The following PCP4 variants were observed in gnomAD, a reference collection of about 807,000 sequenced individuals.
PCP4 encodes the protein Purkinje cell protein 4, also known as calmodulin regulator protein PCP4.
Under a neutral mutation model 10.0 loss-of-function variants are expected in PCP4, and 8 were observed. The observed-to-expected ratio is 0.80, with a 90% CI of 0.47 to 1.45. PCP4 has a LOEUF of 1.45. Among genes scored for constraint, PCP4 ranks in the 40% most tolerant of loss-of-function variants. PCP4 has a pLI of 0.00. For synonymous variants in PCP4, 21 were observed against 23.0 expected (o/e 0.91, Z 0.24); for missense variants, 54 against 74.4 (o/e 0.73, Z 1.01).
In PCP4 at chr21:39,906,908, T is replaced by C. The variant is rs1337068475; in HGVS notation, c.61+8381T>C. Among the ~76,000 whole-genome samples the C allele has an allele frequency of 6.6e-6, 1 of 152,190 alleles. No individual in the cohort carries two copies. Among genetic ancestry groups the C allele is most frequent in the Non-Finnish European group, 1.5e-5 (1 of 68,038 alleles). The stretch of plus-strand genomic sequence containing the variant: ...TTCAGGTTCTGCTTGTCAATTACTT[T>C]TATGGAAATAGTATTTCTCACGCGC... On this transcript the variant is annotated intron_variant, in intron 2 of 2. Coordinates refer to ENST00000328619, the MANE Select transcript of PCP4 (RefSeq NM_006198.3). This position sits in a 1 kb window ranked among gnomAD's most constrained non-coding sequence, Gnocchi z 6.3.
At chr21:39,873,774 G>A (rs1332563626) in intron 1 of PCP4, among the ~76,000 whole-genome samples, 2 of 152,184 alleles carry the variant, frequency 1.3e-5, no homozygotes, top group Non-Finnish European at 2.9e-5. Context: ...GCTTGCCACA[G>A]TCATCAATGG....
At position 39,927,339 on chromosome 21, in the gene PCP4, G is replaced by GTCTATCTA. The variant is rs1240545991; in HGVS notation, c.62-1622_62-1615dup. Among the ~76,000 whole-genome samples, 215 of 98,908 alleles carry GTCTATCTA rather than the reference G, an allele frequency of 2.2e-3. 3 individuals carry two copies. Among genetic ancestry groups the GTCTATCTA allele is most frequent in the African/African-American group, 6.1e-3 (170 of 27,658 alleles). 64.9% of individuals were successfully genotyped at this position (98,908 alleles called of 152,430 possible). A position where few individuals can be genotyped will look rare whatever the true frequency, so the allele number is the denominator to read the frequency against. ...CTATCTATCATCTATCTATCTATCT[G>GTCTATCTA]TCTATCTATCTATCTATCTATCTAT... On this transcript the variant is annotated intron_variant, in intron 2 of 2. Transcript: ENST00000328619.
chr21:39,881,539 A>T (rs1278277585), intron 1 of PCP4, among the ~76,000 whole-genome samples: 1 of 152,196 alleles, frequency 6.6e-6, no homozygotes, highest in Non-Finnish European at 1.5e-5. Context: ...CAGATGCATG[A>T]AACGTACATC....
intron 1 of PCP4, among the ~76,000 whole-genome samples, chr21:39,889,701 C>A (rs1056387350): frequency 2.3e-4 from 35 of 152,130 alleles, no homozygotes; most frequent in African/African-American, 8.4e-4. Flanking sequence ...CAGGCGTGAG[C>A]CACCGTGCCC....
chr21:39,897,627 A>T (rs1693105676), intron 1 of PCP4, among the ~76,000 whole-genome samples: 1 of 152,178 alleles, frequency 6.6e-6, no homozygotes, highest in African/African-American at 2.4e-5. Context: ...ACCTTAAAAG[A>T]CTTCATACTT....
chr21:39,892,810 CTA>C (rs2087439321), intron 1 of PCP4, among the ~76,000 whole-genome samples: 1 of 152,094 alleles, frequency 6.6e-6, no homozygotes, highest in Non-Finnish European at 1.5e-5. Context: ...TTTATTCTAA[CTA>C]TTTTTTGTAC....
intron 2 of PCP4, among the ~76,000 whole-genome samples, chr21:39,928,331 G>A (rs554340772): frequency 3.2e-4 from 48 of 152,272 alleles, no homozygotes; most frequent in African/African-American, 9.6e-4. Flanking sequence ...CCAAGCCTTC[G>A]TTCCTCACCA....
chr21:39,880,256 T>A (rs528540702), intron 1 of PCP4, among the ~76,000 whole-genome samples: 31 of 152,230 alleles, frequency 2.0e-4, no homozygotes, highest in African/African-American at 7.0e-4. Flanking sequence ...TGGAGGTCAG[T>A]GGGTGGAGGG....
At chr21:39,919,567 C>T (rs2087584858) in intron 2 of PCP4, among the ~76,000 whole-genome samples, 1 of 152,148 alleles carries the variant, frequency 6.6e-6, no homozygotes, top group Admixed American at 6.5e-5. Flanking sequence ...GTTAGGAGGT[C>T]ATTCATTTCT....
chr21:39,889,334 C>T (rs763715655), intron 1 of PCP4, among the ~76,000 whole-genome samples: 10 of 152,048 alleles, frequency 6.6e-5, no homozygotes, highest in Non-Finnish European at 1.3e-4. Context: ...ATTCCCTAAC[C>T]CTTAGGGGTC....
Position 39,929,296 on chromosome 21 carries a change from A to T in PCP4, c.*185A>T. On this transcript the variant is annotated 3_prime_UTR_variant, in exon 3 of 3. Coordinates refer to ENST00000328619, the MANE Select transcript of PCP4 (RefSeq NM_006198.3). Reference sequence around the variant, plus strand: ...CTTGTAGGAAGGTATAGACAATGGAATTGTGAGTAGCTTAATCTCTATGTT... The same window carrying T: ...CTTGTAGGAAGGTATAGACAATGGATTTGTGAGTAGCTTAATCTCTATGTT... 1 of 434,022 alleles carries T rather than the reference A, an allele frequency of 2.3e-6. No individual in the cohort carries two copies. Among genetic ancestry groups the T allele is most frequent in the Middle Eastern group, 4.3e-4 (1 of 2,310 alleles). 26.9% of individuals were successfully genotyped at this position (434,022 alleles called of 1,614,324 possible).
chr21:39,927,303 T>G (rs2087626933), intron 2 of PCP4, among the ~76,000 whole-genome samples: 1 of 118,722 alleles, frequency 8.4e-6, no homozygotes, highest in Non-Finnish European at 1.9e-5. Context: ...TCTATCTATC[T>G]ATCTATCTAT....
At chr21:39,875,418 G>A (rs2146325383) in intron 1 of PCP4, among the ~76,000 whole-genome samples, 1 of 152,292 alleles carries the variant, frequency 6.6e-6, no homozygotes, top group African/African-American at 2.4e-5. Flanking sequence ...GTCTGCCCAT[G>A]TCCAAGACGG....
At chr21:39,867,823 A>G (rs990553992) in intron 1 of PCP4, among the ~76,000 whole-genome samples, 2 of 152,194 alleles carry the variant, frequency 1.3e-5, no homozygotes, top group African/African-American at 4.8e-5. Flanking sequence ...TCTTACGAAG[A>G]TGCGTGTCTT....
At chr21:39,905,554 CT>C (rs1458112213) in intron 2 of PCP4, among the ~76,000 whole-genome samples, 2 of 152,192 alleles carry the variant, frequency 1.3e-5, no homozygotes, top group Non-Finnish European at 2.9e-5. Flanking sequence ...TAACATCCAT[CT>C]CAGTTAGAAG....
intron 1 of PCP4, among the ~76,000 whole-genome samples, chr21:39,885,489 G>A (rs916269278): frequency 6.6e-6 from 1 of 152,220 alleles, no homozygotes. Flanking sequence ...TCTGGCTCGG[G>A]GCTGGAGAAA....
intron 2 of PCP4, among the ~76,000 whole-genome samples, chr21:39,908,984 T>C (rs2087526701): frequency 6.6e-6 from 1 of 152,216 alleles, no homozygotes; most frequent in Non-Finnish European, 1.5e-5. Flanking sequence ...TGCACGTATT[T>C]CCTTTTAAGT....
chr21:39,905,998 C>T (rs535220530), intron 2 of PCP4, among the ~76,000 whole-genome samples: 25 of 152,264 alleles, frequency 1.6e-4, no homozygotes, highest in East Asian at 7.7e-4. Flanking sequence ...TGCAGTGAGC[C>T]GAGACCATGC....
chr21:39,889,142 G>A (rs902833640), intron 1 of PCP4, among the ~76,000 whole-genome samples: 1 of 152,152 alleles, frequency 6.6e-6, no homozygotes, highest in African/African-American at 2.4e-5. Context: ...GGATCTGGCA[G>A]CATGAGGATG....
Sources: allele counts gnomAD v4.1 joint callset (sites outside exome capture counted in the v4.1 genomes callset), GRCh38; gene constraint gnomAD v4.1.1; non-coding constraint Gnocchi (gnomAD v3.1); transcripts MANE v1.5; gene names NCBI Gene and HGNC (gene_info 2026-07-23, HGNC 2026-07-21).